The following FAM117B variants were observed in gnomAD, a reference collection of about 807,000 sequenced individuals.
FAM117B encodes the protein family with sequence similarity 117 member B, also known as protein FAM117B.
In FAM117B, 22 loss-of-function variants were observed where a neutral mutation model predicts 52.8. That is an observed-to-expected ratio of 0.42 (90% confidence interval 0.30 to 0.59). The LOEUF is 0.59. Ranked by LOEUF, FAM117B falls within the 20% of genes least tolerant of loss-of-function variation. The probability of loss-of-function intolerance (pLI) is 0.22; values close to 1 mark genes in which losing one functional copy is unlikely to be tolerated. For missense variants in FAM117B, 678 were observed against 802.6 expected (o/e 0.84, Z 1.88); for synonymous variants, 309 against 324.1 (o/e 0.95, Z 0.50).
At chr2:202,710,194 T>C (rs1033301370) in intron 2 of FAM117B, among the ~76,000 whole-genome samples, 10 of 152,208 alleles carry the variant, frequency 6.6e-5, no homozygotes, top group African/African-American at 2.4e-4. Flanking sequence ...TTGCATTGAA[T>C]TTGTAGATGA....
At chr2:202,704,263 A>T (rs1690840712) in intron 2 of FAM117B, among the ~76,000 whole-genome samples, 2 of 152,208 alleles carry the variant, frequency 1.3e-5, no homozygotes, top group South Asian at 4.1e-4. Flanking sequence ...CATTCAATAA[A>T]TGTTCTCTGT....
chr2:202,687,100 G>GTAC (rs1296599182), intron 1 of FAM117B, among the ~76,000 whole-genome samples: 4 of 152,070 alleles, frequency 2.6e-5, no homozygotes, highest in African/African-American at 9.7e-5. Context: ...ATACAATGGA[G>GTAC]TACTCCTCAG....
intron 2 of FAM117B, among the ~76,000 whole-genome samples, chr2:202,715,779 C>G (rs919059418): frequency 3.3e-5 from 5 of 152,256 alleles, no homozygotes; most frequent in Admixed American, 1.3e-4. Context: ...CACCGCACTC[C>G]AGCCTGGGCA....
chr2:202,655,274 TTGAAGGG>T (rs1426015540), intron 1 of FAM117B, among the ~76,000 whole-genome samples: 1 of 152,180 alleles, frequency 6.6e-6, no homozygotes, highest in African/African-American at 2.4e-5. Flanking sequence ...GCATTATTAG[TTGAAGGG>T]TATTGGGGAG....
chr2:202,702,243 T>A (rs1050053226), intron 2 of FAM117B, among the ~76,000 whole-genome samples: 14 of 151,682 alleles, frequency 9.2e-5, no homozygotes, highest in African/African-American at 3.4e-4. Context: ...ATACAAAATT[T>A]AGTGGGGCAT....
chr2:202,638,694 C>T (rs1689722000), intron 1 of FAM117B, among the ~76,000 whole-genome samples: 1 of 152,112 alleles, frequency 6.6e-6, no homozygotes, highest in Admixed American at 6.6e-5. Context: ...TTTGGCCAGG[C>T]GCGGTGGCTC....
At chr2:202,735,186 T>C (rs1691421101) in intron 4 of FAM117B, among the ~76,000 whole-genome samples, 1 of 152,210 alleles carries the variant, frequency 6.6e-6, no homozygotes, top group African/African-American at 2.4e-5. Flanking sequence ...TTTGTGTGTG[T>C]GTGGACTTAA....
Position 202,725,436 on chromosome 2 carries a change from A to G in FAM117B, c.846+427A>G, listed in dbSNP as rs982303056. Among the ~76,000 whole-genome samples the G allele has an allele frequency of 2.0e-5, 3 of 151,572 alleles. No homozygotes were observed. In the Admixed American group the frequency reaches 2.0e-4, roughly 10 times the overall value. On this transcript the variant is annotated intron_variant, in intron 3 of 7. Coordinates refer to ENST00000392238, the MANE Select transcript of FAM117B (RefSeq NM_173511.4). ...CAGGCTCAAGCAATTCTCGTGCCTC[A>G]GCCTCCCAAGTACCTGGGACTGCAG...
intron 1 of FAM117B, among the ~76,000 whole-genome samples, chr2:202,644,849 A>G (rs1689836018): frequency 6.6e-6 from 1 of 152,196 alleles, no homozygotes. Context: ...CCTCTGTGGA[A>G]GGGTTACCAC....
chr2:202,721,156 A>G (rs1046228730), intron 2 of FAM117B, among the ~76,000 whole-genome samples: 2 of 152,020 alleles, frequency 1.3e-5, no homozygotes, highest in South Asian at 2.1e-4. Context: ...TTTTCTAACT[A>G]TATTTGAGAA....
In FAM117B at chr2:202,651,350, C is replaced by T. The variant is rs192443935; in HGVS notation, c.601+15562C>T. Reference sequence around the variant, plus strand: ...GTGCTGGATCACAGGTGTGAGCCACCGCTCCGGGCCCTTAATTTACCATTC... The same window carrying T: ...GTGCTGGATCACAGGTGTGAGCCACTGCTCCGGGCCCTTAATTTACCATTC... On this transcript the variant is annotated intron_variant, in intron 1 of 7. Transcript: ENST00000392238. Among the ~76,000 whole-genome samples, 720 of 151,206 alleles carry T rather than the reference C, an allele frequency of 4.8e-3. 7 individuals carry two copies. Among genetic ancestry groups the T allele is most frequent in the African/African-American group, 0.016 (676 of 41,206 alleles).
rs1238483842 is a variant in FAM117B at position 202,767,574 on chromosome 2, T to C, written c.*1810T>C. The stretch of plus-strand genomic sequence containing the variant: ...CAATAATTTACTGTTCCTATACATA[T>C]TATAAGGTAGAAAAAAGTTTTTAAA... On this transcript the variant is annotated 3_prime_UTR_variant, in exon 8 of 8. Transcript: ENST00000392238. The C allele has an allele frequency of 2.6e-5, 4 of 152,172 alleles. No homozygotes were observed. The highest frequency in any genetic ancestry group is 5.9e-5 in the Non-Finnish European group (4 of 68,028). The allele number at this position is 152,172 out of a possible 1,614,324, so 9.4% of individuals were successfully genotyped here. A position where few individuals can be genotyped will look rare whatever the true frequency, so the allele number is the denominator to read the frequency against.
chr2:202,663,217 C>G (rs1690156399), intron 1 of FAM117B, among the ~76,000 whole-genome samples: 2 of 152,168 alleles, frequency 1.3e-5, no homozygotes, highest in Admixed American at 6.5e-5. Flanking sequence ...AAACAGTGCA[C>G]AGAACGTTAA....
intron 2 of FAM117B, among the ~76,000 whole-genome samples, chr2:202,709,293 C>G (rs2105781566): frequency 6.6e-6 from 1 of 152,068 alleles, no homozygotes; most frequent in South Asian, 2.1e-4. Flanking sequence ...ACCTCTGCCT[C>G]CCGGGTTCAA....
intron 1 of FAM117B, among the ~76,000 whole-genome samples, chr2:202,669,136 T>C (rs562007443): frequency 1.3e-5 from 2 of 152,290 alleles, no homozygotes; most frequent in South Asian, 4.1e-4. Context: ...TCTGGAATAA[T>C]TGGTAGAAAT....
chr2:202,759,718 C>G (rs1341859652), intron 7 of FAM117B, among the ~76,000 whole-genome samples: 1 of 152,040 alleles, frequency 6.6e-6, no homozygotes, highest in Non-Finnish European at 1.5e-5. Flanking sequence ...CCACCACGCC[C>G]GGCTAATTTT....
At chr2:202,749,407 A>G (rs2105796888) in intron 4 of FAM117B, among the ~76,000 whole-genome samples, 1 of 151,390 alleles carries the variant, frequency 6.6e-6, no homozygotes, top group Non-Finnish European at 1.5e-5. Flanking sequence ...AAACGTTTTA[A>G]AGCATAGAGA....
intron 1 of FAM117B, among the ~76,000 whole-genome samples, chr2:202,668,281 A>G (rs1478791934): frequency 6.8e-6 from 1 of 146,664 alleles, no homozygotes; most frequent in East Asian, 1.9e-4. Context: ...AAATATTTAT[A>G]TATTAAATGC....
In FAM117B at chr2:202,690,832, T is replaced by C. The variant is rs1690609718; in HGVS notation, c.602-5049T>C. On this transcript the variant is annotated intron_variant, in intron 1 of 7. Coordinates refer to ENST00000392238, the MANE Select transcript of FAM117B (RefSeq NM_173511.4). ...CTTAGTTCACTTAGTCTGGGAACTTTTGAGTCATCTTTGCTTCTTCAGATT... is the reference window on the plus strand; with the variant it reads ...CTTAGTTCACTTAGTCTGGGAACTTCTGAGTCATCTTTGCTTCTTCAGATT... Among the ~76,000 whole-genome samples, 2 of 152,328 alleles carry C rather than the reference T, an allele frequency of 1.3e-5. 1 individual carries two copies.
Sources: gnomAD v4.1 joint callset for allele counts (sites outside exome capture counted in the v4.1 genomes callset) on GRCh38, gnomAD v4.1.1 for gene constraint, MANE v1.5 for transcripts, NCBI Gene and HGNC (gene_info 2026-07-23, HGNC 2026-07-21) for gene names.